The following LAMTOR1 variants were observed in gnomAD, a reference collection of about 807,000 sequenced individuals.
The protein encoded by LAMTOR1 is late endosomal/lysosomal adaptor, MAPK and MTOR activator 1, also known as ragulator complex protein LAMTOR1.
LAMTOR1 carries 8 observed loss-of-function variants against 20.5 expected under a neutral mutation model. The ratio of observed to expected loss-of-function variants is 0.39; its 90% CI spans 0.23 to 0.70. The LOEUF is 0.70. LAMTOR1 is among the 30% of genes least tolerant of loss of function. The pLI is 0.43. For missense variants in LAMTOR1, 135 were observed against 206.2 expected, an observed-to-expected ratio of 0.65 and a Z score of 2.11; for synonymous variants, 77 against 80.9, an observed-to-expected ratio of 0.95 and a Z score of 0.26.
chr11:72,099,295 C>T (rs912905089), intron 1 of LAMTOR1, 39 bp from the exon 2 acceptor site: 9 of 1,513,666 alleles, frequency 5.9e-6, no homozygotes, highest in African/African-American at 5.6e-5. Flanking sequence ...CCCCAGGACC[C>T]GTAGATCCTG....
At chr11:72,099,934 C>T (rs1945378129) in intron 1 of LAMTOR1, among the ~76,000 whole-genome samples, 1 of 152,148 alleles carries the variant, frequency 6.6e-6, no homozygotes, top group African/African-American at 2.4e-5. Flanking sequence ...ACTCCCAGAA[C>T]CAAACTGAGT....
Position 72,098,249 on chromosome 11 carries a change from TGTGAGAAGGGTGGGCAGGGGCAG to T in LAMTOR1, c.393+17_393+39del, listed in dbSNP as rs1565324798. ...GAACCCTCTGCCATACCCTGGGCAG[TGTGAGAAGGGTGGGCAGGGGCAG>T]GTGAGGGGTGTCTCACCTGCTGCAA... On this transcript the variant is annotated intron_variant, in intron 4 of 4. Coordinates refer to ENST00000278671, the MANE Select transcript of LAMTOR1 (RefSeq NM_017907.3). 1 of 1,609,208 alleles carries T rather than the reference TGTGAGAAGGGTGGGCAGGGGCAG, an allele frequency of 6.2e-7. No individual in the cohort carries two copies. The highest frequency in any genetic ancestry group is 2.2e-5 in the East Asian group (1 of 44,784).
chr11:72,098,741 C>T, intron 3 of LAMTOR1, 40 bp downstream of exon 3: 1 of 1,425,178 alleles, frequency 7.0e-7, no homozygotes, highest in Non-Finnish European at 9.5e-7. Flanking sequence ...AGGGTGGGAG[C>T]CCAAGTAGCC....
At chr11:72,102,413 C>G (rs1179863545) in intron 1 of LAMTOR1, among the ~76,000 whole-genome samples, 1 of 152,166 alleles carries the variant, frequency 6.6e-6, no homozygotes, top group African/African-American at 2.4e-5. Flanking sequence ...CTGTACAGGT[C>G]TCCCCAGCCT....
chr11:72,100,630 C>G (rs1395806167), intron 1 of LAMTOR1: 1 of 152,390 alleles, frequency 6.6e-6, no homozygotes, highest in Non-Finnish European at 1.5e-5. Context: ...AATGCTGACT[C>G]ACCAACCTTC....
At position 72,098,164 on chromosome 11, in the gene LAMTOR1, C is replaced by T. The variant is rs936118476; in HGVS notation, c.393+125G>A. On this transcript the variant is annotated intron_variant, in intron 4 of 4. Transcript: ENST00000278671. ...GAACGAGGTGGGAGGGAGCTGGGGC[C>T]TACAAGGCTACCAGGCTCCCTAACT... 2.3e-6 allele frequency: 3 copies of T among 1,300,306 alleles called. No individual in the cohort carries two copies. In the African/African-American group the frequency reaches 4.4e-5, roughly 19 times the overall value. 80.5% of individuals were successfully genotyped at this position (1,300,306 alleles called of 1,614,324 possible). A position where few individuals can be genotyped will look rare whatever the true frequency, so the allele number is the denominator to read the frequency against.
rs1218530384 is a variant in LAMTOR1, at chr11:72,098,555, A to G, written c.267-140T>C. On this transcript the variant is annotated intron_variant, in intron 3 of 4. Transcript: ENST00000278671. ...GGGAGGGAAGGTCTCAGCTCATCAC[A>G]GACTCAATCTAGGCCCATCTCCCTT... 4.5e-6 allele frequency: 5 copies of G among 1,103,490 alleles called. No individual in the cohort carries two copies. The South Asian group carries it at 7.8e-5, about 17-fold the overall frequency. 68.4% of individuals were successfully genotyped at this position (1,103,490 alleles called of 1,614,324 possible). A position where few individuals can be genotyped will look rare whatever the true frequency, so the allele number is the denominator to read the frequency against.
chr11:72,098,119 A>T (rs1945295902), intron 4 of LAMTOR1, 170 bp downstream of exon 4: 1 of 1,019,376 alleles, frequency 9.8e-7, no homozygotes, highest in Non-Finnish European at 1.4e-6. Flanking sequence ...AGGAGATAGG[A>T]AAGACATAAA....
intron 2 of LAMTOR1, 88 bp downstream of exon 2, chr11:72,099,023 C>G (rs1945340916): frequency 1.3e-6 from 2 of 1,539,640 alleles, no homozygotes; most frequent in Non-Finnish European, 1.8e-6. Flanking sequence ...CTTGTCCCAT[C>G]CCCCATGTCC....
intron 2 of LAMTOR1, 49 bp from the exon 3 acceptor site, chr11:72,098,907 A>C: frequency 6.8e-7 from 1 of 1,465,758 alleles, no homozygotes; most frequent in Admixed American, 2.1e-5. Context: ...TCCGAGAAGG[A>C]CAAACAGGAC....
intron 1 of LAMTOR1, among the ~76,000 whole-genome samples, chr11:72,101,314 C>T (rs1264574971): frequency 6.6e-6 from 1 of 152,218 alleles, no homozygotes; most frequent in Non-Finnish European, 1.5e-5. Flanking sequence ...TAGTGTAACC[C>T]AAGAGGCAGG....
At position 72,097,494 on chromosome 11, in the gene LAMTOR1, G is replaced by C. The variant is rs1408669196; in HGVS notation, c.*328C>G. 3 of 1,098,278 alleles carry C rather than the reference G, an allele frequency of 2.7e-6. No homozygotes were observed. Among genetic ancestry groups the C allele is most frequent in the Non-Finnish European group, 3.3e-6 (3 of 897,578 alleles). The allele number at this position is 1,098,278 out of a possible 1,614,324, so 68.0% of individuals were successfully genotyped here. On this transcript the variant is annotated 3_prime_UTR_variant, in exon 5 of 5. Coordinates refer to ENST00000278671, the MANE Select transcript of LAMTOR1 (RefSeq NM_017907.3). Reference sequence around the variant, plus strand: ...GAGTGACTCTGAGGCCAACAGAGAGGGTGGGAAGGGGATCTCCCTAGGTCC... The same window carrying C: ...GAGTGACTCTGAGGCCAACAGAGAGCGTGGGAAGGGGATCTCCCTAGGTCC...
chr11:72,099,883 G>C (rs1945376138), intron 1 of LAMTOR1, among the ~76,000 whole-genome samples: 1 of 152,166 alleles, frequency 6.6e-6, no homozygotes, highest in African/African-American at 2.4e-5. Context: ...TCCCTTCGAA[G>C]GTGTTCACCC....
chr11:72,100,388 A>C (rs985126259), intron 1 of LAMTOR1, among the ~76,000 whole-genome samples: 26 of 152,084 alleles, frequency 1.7e-4, no homozygotes, highest in Admixed American at 1.7e-3. Flanking sequence ...TGTAAGACCA[A>C]ACCAAGCTTC....
chr11:72,100,057 G>A (rs113052287), intron 1 of LAMTOR1, among the ~76,000 whole-genome samples: 13 of 151,972 alleles, frequency 8.6e-5, no homozygotes, highest in Non-Finnish European at 1.6e-4. Flanking sequence ...GAGTCCAGGA[G>A]TTTGAGACCA....
chr11:72,103,188 C>A lies in LAMTOR1; in HGVS notation c.37G>T (p.Asp13Tyr). The A allele has an allele frequency of 6.3e-7, 1 of 1,586,640 alleles. No homozygotes were observed. Among genetic ancestry groups the A allele is most frequent in the Non-Finnish European group, 8.6e-7 (1 of 1,166,228 alleles). ...CCYSSENEDS[D>Y]QDREERKLLL... Reference sequence around the variant, plus strand: ...CCCGCCTGCCGCGGCCGCACCTGGTCCGAGTCCTCGTTCTCGCTGCTGTAG... The same window carrying A: ...CCCGCCTGCCGCGGCCGCACCTGGTACGAGTCCTCGTTCTCGCTGCTGTAG... Residue 13 changes from aspartate to tyrosine, a missense_variant, in exon 1 of 5, where the codon GAC becomes TAC. By Grantham distance (160) the Asp-to-Tyr change is radical (BLOSUM62 -3). Coordinates refer to ENST00000278671, the MANE Select transcript of LAMTOR1 (RefSeq NM_017907.3).
chr11:72,098,084 G>A (rs1945294164), intron 4 of LAMTOR1, 170 bp from the exon 5 acceptor site: 1 of 1,017,272 alleles, frequency 9.8e-7, no homozygotes, highest in Non-Finnish European at 1.4e-6. Context: ...GAACAAAGGG[G>A]AGTGAAACAA....
rs1454548710 is a variant in LAMTOR1, at chr11:72,103,094, C to G, written c.42+89G>C. 2.7e-6 allele frequency: 4 copies of G among 1,490,628 alleles called. No homozygotes were observed. The Admixed American group carries it at 7.8e-5, about 29-fold the overall frequency. The allele number at this position is 1,490,628 out of a possible 1,614,324, so 92.3% of individuals were successfully genotyped here. On this transcript the variant is annotated intron_variant, in intron 1 of 4. Transcript: ENST00000278671. Reference sequence around the variant, plus strand: ...TCCGTATTCAGTGAGCCCTGCAGTCCGGCTGCCCGTCCTCCGCAGGTTTCT... The same window carrying G: ...TCCGTATTCAGTGAGCCCTGCAGTCGGGCTGCCCGTCCTCCGCAGGTTTCT...
intron 4 of LAMTOR1, 149 bp from the exon 5 acceptor site, chr11:72,098,063 C>T: frequency 9.1e-7 from 1 of 1,101,122 alleles, no homozygotes; most frequent in Middle Eastern, 3.0e-4. Context: ...ATGGGAGAGA[C>T]AGAAGGAAAA....
Sources: gnomAD v4.1 joint callset for allele counts (sites outside exome capture counted in the v4.1 genomes callset) on GRCh38, gnomAD v4.1.1 for gene constraint, MANE v1.5 for transcripts, NCBI Gene and HGNC (gene_info 2026-07-23, HGNC 2026-07-21) for gene names.